Variants in GOLPH3L observed in about 807,000 individuals in gnomAD.
GOLPH3L encodes golgi phosphoprotein 3 like, also known as Golgi phosphoprotein 3-like.
GOLPH3L carries 22 observed loss-of-function variants against 30.3 expected under a neutral mutation model. The observed-to-expected ratio is 0.73, with a 90% CI of 0.52 to 1.04. The LOEUF is 1.04. GOLPH3L is among the 50% of genes least tolerant of loss of function. GOLPH3L has a pLI of 0.00. For missense variants in GOLPH3L, 303 were observed against 345.8 expected, an observed-to-expected ratio of 0.88 and a Z score of 0.98; for synonymous variants, 120 against 128.2, an observed-to-expected ratio of 0.94 and a Z score of 0.43.
chr1:150,663,531 T>C (rs1179566441), intron 3 of GOLPH3L, 101 bp downstream of exon 3: 11 of 1,059,316 alleles, frequency 1.0e-5, no homozygotes, highest in Non-Finnish European at 1.4e-5. Context: ...GAGTCAGTGA[T>C]ATTTATTTTA....
chr1:150,669,464 G>A (rs1341690889), intron 2 of GOLPH3L, among the ~76,000 whole-genome samples: 1 of 152,058 alleles, frequency 6.6e-6, no homozygotes, highest in African/African-American at 2.4e-5. Flanking sequence ...TATATTAAAT[G>A]GCCAATGCTT....
intron 2 of GOLPH3L, among the ~76,000 whole-genome samples, chr1:150,687,484 C>T (rs1385905364): frequency 1.3e-5 from 2 of 151,732 alleles, no homozygotes; most frequent in South Asian, 2.1e-4. Flanking sequence ...GAGGCTGACA[C>T]AGGAGAATTG....
intron 2 of GOLPH3L, among the ~76,000 whole-genome samples, chr1:150,691,717 C>A (rs1028353859): frequency 6.6e-6 from 1 of 152,046 alleles, no homozygotes; most frequent in African/African-American, 2.4e-5. Context: ...AATTGTACCA[C>A]CTAAATATGC....
intron 2 of GOLPH3L, among the ~76,000 whole-genome samples, chr1:150,680,452 T>C (rs1650924021): frequency 6.6e-6 from 1 of 152,074 alleles, no homozygotes; most frequent in African/African-American, 2.4e-5. Context: ...TCGTATTTAC[T>C]TTTTTTTCAT....
chr1:150,687,497 C>A (rs1214809366), intron 2 of GOLPH3L, among the ~76,000 whole-genome samples: 1 of 151,744 alleles, frequency 6.6e-6, no homozygotes, highest in African/African-American at 2.4e-5. Context: ...GAGAATTGAA[C>A]GCGGGAGGCA....
In GOLPH3L at chr1:150,669,630, G is replaced by A. The variant is rs77126095; in HGVS notation, c.184-5867C>T. On this transcript the variant is annotated intron_variant, in intron 2 of 4. Coordinates refer to ENST00000271732, the MANE Select transcript of GOLPH3L (RefSeq NM_018178.6). ...CTCATGGCTAATGGAGAATCTCAGA[G>A]AATTTGCAGAATAAGATATTCAGAT... Among the ~76,000 whole-genome samples the A allele has an allele frequency of 3.1e-3, 471 of 152,244 alleles. 8 individuals are homozygous for A. In the East Asian group the frequency reaches 0.032, roughly 10 times the overall value.
intron 2 of GOLPH3L, among the ~76,000 whole-genome samples, chr1:150,665,341 GAGAC>G (rs1034064426): frequency 2.7e-5 from 4 of 150,836 alleles, no homozygotes; most frequent in Admixed American, 2.6e-4. Flanking sequence ...TTTTTTTTAA[GAGAC>G]AGGCGGGGTC....
At chr1:150,677,369 T>C (rs1650835612) in intron 2 of GOLPH3L, among the ~76,000 whole-genome samples, 1 of 152,114 alleles carries the variant, frequency 6.6e-6, no homozygotes, top group Non-Finnish European at 1.5e-5. Context: ...CCTGAGTAGC[T>C]GGGATTACAG....
At chr1:150,682,782 TAAA>T (rs922367929) in intron 2 of GOLPH3L, among the ~76,000 whole-genome samples, 1 of 151,564 alleles carries the variant, frequency 6.6e-6, no homozygotes, top group African/African-American at 2.4e-5. Flanking sequence ...AGAAAACAAA[TAAA>T]AAAGAGAATA....
chr1:150,646,297 G>A lies in GOLPH3L; in HGVS notation c.*2024C>T, dbSNP rs1431776514. On this transcript the variant is annotated 3_prime_UTR_variant, in exon 5 of 5. Coordinates refer to ENST00000271732, the MANE Select transcript of GOLPH3L (RefSeq NM_018178.6). ...TAAGCATTAAATGAGAAGGAGTTTG[G>A]CAGTGAACATTATGCAGATTCAAAC... 6.6e-6 allele frequency: 1 copy of A among 152,154 alleles called. No individual in the cohort carries two copies. The highest frequency in any genetic ancestry group is 1.5e-5 in the Non-Finnish European group (1 of 68,014). The allele number at this position is 152,154 out of a possible 1,614,324, so 9.4% of individuals were successfully genotyped here.
At position 150,646,802 on chromosome 1, in the gene GOLPH3L, A is replaced by G. The variant is rs587686776; in HGVS notation, c.*1519T>C. The G allele has an allele frequency of 6.6e-6, 1 of 152,336 alleles. No individual in the cohort carries two copies. The highest frequency in any genetic ancestry group is 2.1e-4 in the South Asian group (1 of 4,826). 9.4% of individuals were successfully genotyped at this position (152,336 alleles called of 1,614,324 possible). ...AATGGTCAAGAAGCACTATCCCATT[A>G]AAGTATAATAAATGCTGAACATCAG... is the stretch of plus-strand genomic sequence containing the variant. On this transcript the variant is annotated 3_prime_UTR_variant, in exon 5 of 5. Transcript: ENST00000271732.
intron 2 of GOLPH3L, 124 bp from the exon 3 acceptor site, chr1:150,663,887 A>G: frequency 1.5e-6 from 1 of 669,612 alleles, no homozygotes. Context: ...AACTCAAAGT[A>G]TAGAGTAAGA....
At chr1:150,685,007 G>A (rs587736454) in intron 2 of GOLPH3L, among the ~76,000 whole-genome samples, 6 of 152,210 alleles carry the variant, frequency 3.9e-5, no homozygotes, top group Admixed American at 6.5e-5. Context: ...TTACTTATTC[G>A]TTAAACATAT....
At chr1:150,670,512 G>A (rs1650620828) in intron 2 of GOLPH3L, among the ~76,000 whole-genome samples, 1 of 151,916 alleles carries the variant, frequency 6.6e-6, no homozygotes, top group Non-Finnish European at 1.5e-5. Flanking sequence ...CAGGAGAATG[G>A]CATGAACCCA....
intron 2 of GOLPH3L, among the ~76,000 whole-genome samples, chr1:150,683,725 A>AG (rs1651018191): frequency 6.4e-5 from 5 of 78,314 alleles, no homozygotes; most frequent in Non-Finnish European, 1.5e-4. Context: ...AAAAAAAAAA[A>AG]AAAAAAAAGA....
At chr1:150,678,284 C>CAAAAAAAAA (rs75131824) in intron 2 of GOLPH3L, among the ~76,000 whole-genome samples, 473 of 45,744 alleles carry the variant, frequency 0.01, 16 homozygotes, top group Middle Eastern at 0.016. Flanking sequence ...AACTCCGTCT[C>CAAAAAAAAA]AAAAAAAAAA....
chr1:150,672,552 T>A (rs12085597), intron 2 of GOLPH3L, among the ~76,000 whole-genome samples: 58,517 of 151,954 alleles, frequency 0.39, 11,588 homozygotes, highest in South Asian at 0.55. Flanking sequence ...TGCCTCAGCC[T>A]CCCGAGTAGC....
intron 2 of GOLPH3L, among the ~76,000 whole-genome samples, chr1:150,665,797 T>C (rs1650487487): frequency 6.6e-6 from 1 of 152,184 alleles, no homozygotes; most frequent in Non-Finnish European, 1.5e-5. Flanking sequence ...TCAGACTTCC[T>C]TTCTGGCACC....
chr1:150,671,657 T>C (rs894173680), intron 2 of GOLPH3L, among the ~76,000 whole-genome samples: 2 of 151,890 alleles, frequency 1.3e-5, no homozygotes, highest in East Asian at 1.9e-4. Flanking sequence ...AATACAAAAT[T>C]AGCCGGGTGT....
Sources: allele counts gnomAD v4.1 joint callset (sites outside exome capture counted in the v4.1 genomes callset), GRCh38; gene constraint gnomAD v4.1.1; transcripts MANE v1.5; gene names NCBI Gene and HGNC (gene_info 2026-07-23, HGNC 2026-07-21).